MVB12A: variants seen among roughly 807,000 people sequenced by gnomAD.
MVB12A encodes multivesicular body subunit 12A.
In MVB12A, 30 loss-of-function variants were observed where a neutral mutation model predicts 34.3. The ratio of observed to expected loss-of-function variants is 0.88; its 90% CI spans 0.65 to 1.19. The LOEUF (loss-of-function observed/expected upper bound fraction) is 1.19, where lower values mean the gene tolerates loss of function less well. Among genes scored for constraint, MVB12A ranks in the 50% most tolerant of loss-of-function variants. MVB12A has a pLI of 0.00. For synonymous variants in MVB12A, 158 were observed against 158.9 expected (o/e 0.99, Z 0.04); for missense variants, 355 against 369.2 (o/e 0.96, Z 0.31).
chr19:17,424,544 C>T, intron 7 of MVB12A, 77 bp from the exon 8 acceptor site: 1 of 1,439,832 alleles, frequency 6.9e-7, no homozygotes, highest in Non-Finnish European at 9.6e-7. Flanking sequence ...GGGGGGAGGG[C>T]AGGACCCCTT....
At chr19:17,410,529 T>TATATATATATATACAC in intron 2 of MVB12A, among the ~76,000 whole-genome samples, 15 of 74,442 alleles carry the variant, frequency 2.0e-4, no homozygotes, top group Middle Eastern at 7.9e-3. Flanking sequence ...TATATATATA[T>TATATATATATATACAC]ACACACACAC....
intron 2 of MVB12A, chr19:17,413,175 GTGT>G (rs2074779582): frequency 6.6e-6 from 1 of 151,910 alleles, no homozygotes; most frequent in South Asian, 2.1e-4. Flanking sequence ...AGGAACTTCA[GTGT>G]TGTGTGGCTC....
chr19:17,420,078 G>T lies in MVB12A; in HGVS notation c.-58G>T. The T allele has an allele frequency of 8.2e-7, 1 of 1,213,974 alleles. No homozygotes were observed. The allele number at this position is 1,213,974 out of a possible 1,614,324, so 75.2% of individuals were successfully genotyped here. A position where few individuals can be genotyped will look rare whatever the true frequency, so the allele number is the denominator to read the frequency against. Reference sequence around the variant, plus strand: ...CGGTCGCGAGCGCTGCCGTCGGGAGGCGCTCCGAGGTTCGAGGCTGTGCCC... The same window carrying T: ...CGGTCGCGAGCGCTGCCGTCGGGAGTCGCTCCGAGGTTCGAGGCTGTGCCC... On this transcript the variant is annotated 5_prime_UTR_variant, in exon 1 of 9. Coordinates refer to ENST00000317040, the MANE Select transcript of MVB12A (RefSeq NM_138401.4).
At chr19:17,423,641 G>C (rs1272787334) in intron 5 of MVB12A, 24 bp downstream of exon 5, 2 of 1,613,538 alleles carry the variant, frequency 1.2e-6, no homozygotes, top group Admixed American at 3.3e-5. Context: ...CACCGGAGTG[G>C]GGGTGGCCGT....
At chr19:17,412,148 C>A (rs1469140491) in intron 2 of MVB12A, among the ~76,000 whole-genome samples, 1 of 152,172 alleles carries the variant, frequency 6.6e-6, no homozygotes, top group Non-Finnish European at 1.5e-5. Context: ...CGTGACAAGC[C>A]CTGCCCTGGG....
Position 17,424,662 on chromosome 19 carries a change from G to A in MVB12A, c.744G>A (p.Ala248=), listed in dbSNP as rs781465331. 4 of 1,610,966 alleles carry A rather than the reference G, an allele frequency of 2.5e-6. No individual in the cohort carries two copies. In the African/African-American group the frequency reaches 5.3e-5, roughly 22 times the overall value. Residue 248 remains alanine, a synonymous_variant, in exon 8 of 9, where the codon GCG becomes GCA. Transcript: ENST00000317040. ...GGGACCTGACCATCAAGTCTCTGGC[G>A]GACATTGAGGAGGAGGTGGGTGCAG... ...AFGDLTIKSL[A]DIEEEYNYGF...
chr19:17,422,556 C>G (rs1331353324), intron 4 of MVB12A, 98 bp downstream of exon 4: 51 of 1,149,732 alleles, frequency 4.4e-5, no homozygotes, highest in Non-Finnish European at 6.1e-5. Context: ...TCTCCTGTTC[C>G]TTCTTCTACC....
At chr19:17,423,024 G>C (rs1342660878) in intron 4 of MVB12A, 2 of 151,658 alleles carry the variant, frequency 1.3e-5, no homozygotes, top group African/African-American at 2.4e-5. Context: ...AGTTTGGTGT[G>C]GTGCTTCGGG....
At position 17,422,445 on chromosome 19, in the gene MVB12A, T is replaced by A; in HGVS notation, c.400T>A (p.Tyr134Asn). The change falls in exon 4 of 9, where the codon TAC (tyrosine) becomes AAC (asparagine). Residue 134 changes from tyrosine (Y) to asparagine (N), a missense_variant. Physicochemically the swap from Tyr to Asn is moderately radical, Grantham distance 143. Transcript: ENST00000317040. ...TGGGAAGACCAAGACAGTGCCTGGA[T>A]ACCTTCGAATAGGGTAGGGCCACCC... ...LSGKTKTVPG[Y>N]LRIGDMGGFA... 1 of 1,612,522 alleles carries A rather than the reference T, an allele frequency of 6.2e-7. No homozygotes were observed. The highest frequency in any genetic ancestry group is 8.5e-7 in the Non-Finnish European group (1 of 1,179,042).
chr19:17,412,139 G>A (rs1271442634), intron 2 of MVB12A, among the ~76,000 whole-genome samples: 1 of 152,198 alleles, frequency 6.6e-6, no homozygotes, highest in Admixed American at 6.5e-5. Flanking sequence ...GCCACCAGAC[G>A]TGACAAGCCC....
chr19:17,417,816 T>C (rs185541190), upstream of MVB12A: 165 of 300,578 alleles, frequency 5.5e-4, 2 homozygotes, highest in East Asian at 0.013. Context: ...TCTCTTTCAC[T>C]GACACTGTCT....
intron 2 of MVB12A, among the ~76,000 whole-genome samples, chr19:17,406,585 C>T (rs1351495009): frequency 1.3e-5 from 2 of 151,974 alleles, no homozygotes; most frequent in African/African-American, 4.8e-5. Context: ...GCCCAGGCCT[C>T]CCAGAAGGCC....
rs753055992 is a variant in MVB12A at position 17,422,315 on chromosome 19, C to T, written c.287-17C>T. ...TGCCTGGCTTCCCTCTCTCACTCCCCTACCCCCCACTCCCAGAGGCCTCTG... is the reference window on the plus strand; with the variant it reads ...TGCCTGGCTTCCCTCTCTCACTCCCTTACCCCCCACTCCCAGAGGCCTCTG... On this transcript the variant is annotated splice_polypyrimidine_tract_variant and intron_variant, in intron 3 of 8. Coordinates refer to ENST00000317040, the MANE Select transcript of MVB12A (RefSeq NM_138401.4). 3 of 1,606,842 alleles carry T rather than the reference C, an allele frequency of 1.9e-6. No homozygotes were observed. The highest frequency in any genetic ancestry group is 2.6e-6 in the Non-Finnish European group (3 of 1,175,468).
At chr19:17,421,471 A>G (rs1172300818) in intron 3 of MVB12A, among the ~76,000 whole-genome samples, 1 of 151,958 alleles carries the variant, frequency 6.6e-6, no homozygotes, top group Non-Finnish European at 1.5e-5. Context: ...GGCGTGAGCC[A>G]CCGCACCCGG....
At chr19:17,406,431 A>C (rs936753437) in intron 2 of MVB12A, 11 of 152,224 alleles carry the variant, frequency 7.2e-5, no homozygotes, top group Admixed American at 2.0e-4. Context: ...ACTGCTGGGC[A>C]TGACCGCTGA....
upstream of MVB12A, among the ~76,000 whole-genome samples, chr19:17,418,544 C>T (rs2074816333): frequency 6.6e-6 from 1 of 151,510 alleles, no homozygotes; most frequent in Admixed American, 6.6e-5. Flanking sequence ...AGACGCGCAC[C>T]ACCACGCCTG....
In MVB12A at chr19:17,410,496, T is replaced by TTATATATGTGTATATATATATA. The variant is rs1568387298; in HGVS notation, c.-5+4200_-5+4201insTATATATGTGTATATATATATA. Among the ~76,000 whole-genome samples, 65 of 31,486 alleles carry TTATATATGTGTATATATATATA rather than the reference T, an allele frequency of 2.1e-3. 2 individuals carry two copies. The highest frequency in any genetic ancestry group is 3.9e-3 in the Admixed American group (9 of 2,294). The allele number at this position is 31,486 out of a possible 152,430, so 20.7% of individuals were successfully genotyped here. On this transcript the variant is annotated intron_variant, in intron 2 of 6. Coordinates refer to the MVB12A transcript ENST00000528604. Reference sequence around the variant, plus strand: ...CGCTAGCATTCTTTTGGTTTTAGCTTCATATATATATATATATATATATAT... The same window carrying TTATATATGTGTATATATATATA: ...CGCTAGCATTCTTTTGGTTTTAGCTTTATATATGTGTATATATATATACATATATATATATATATATATATAT...
Position 17,423,624 on chromosome 19 carries a change from C to T in MVB12A, c.533+7C>T. 2 of 1,613,906 alleles carry T rather than the reference C, an allele frequency of 1.2e-6. No homozygotes were observed. Among genetic ancestry groups the T allele is most frequent in the Non-Finnish European group, 1.7e-6 (2 of 1,179,934 alleles). On this transcript the variant is annotated splice_region_variant and intron_variant, in intron 5 of 8. Coordinates refer to ENST00000317040, the MANE Select transcript of MVB12A (RefSeq NM_138401.4). ...ATGCAGCCAGCCAGCCAAGGTGAGT[C>T]CTCAGGCACCGGAGTGGGGGTGGCC...
upstream of MVB12A, among the ~76,000 whole-genome samples, chr19:17,416,389 C>T (rs1291120085): frequency 2.0e-5 from 3 of 146,868 alleles, no homozygotes; most frequent in Non-Finnish European, 4.5e-5. Context: ...GGATTACAGG[C>T]TTGAGCCACC....
Sources: allele counts gnomAD v4.1 joint callset (sites outside exome capture counted in the v4.1 genomes callset), GRCh38; gene constraint gnomAD v4.1.1; transcripts MANE v1.5; gene names NCBI Gene and HGNC (gene_info 2026-07-23, HGNC 2026-07-21).